The following INSC variants were observed in gnomAD, a reference collection of about 807,000 sequenced individuals.
The protein encoded by INSC is protein inscuteable homolog.
INSC carries 67 observed loss-of-function variants against 58.6 expected under a neutral mutation model. That is an observed-to-expected ratio of 1.14 (90% confidence interval 0.94 to 1.40). INSC has a LOEUF of 1.40. Among genes scored for constraint, INSC ranks in the 40% most tolerant of loss-of-function variants. The probability of loss-of-function intolerance (pLI) is 0.00; values close to 1 mark genes in which losing one functional copy is unlikely to be tolerated. For missense variants in INSC, 714 were observed against 692.0 expected, an observed-to-expected ratio of 1.03 and a Z score of -0.36; for synonymous variants, 262 against 276.1, an observed-to-expected ratio of 0.95 and a Z score of 0.51.
intron 5 of INSC, chr11:15,188,455 G>A (rs2133855685): frequency 1.7e-6 from 1 of 582,108 alleles, no homozygotes; most frequent in Non-Finnish European, 2.2e-6. Flanking sequence ...AGTCAAGTCT[G>A]CATCTGTTTC....
intron 7 of INSC, among the ~76,000 whole-genome samples, chr11:15,212,183 C>A (rs1387468048): frequency 1.3e-5 from 2 of 152,096 alleles, no homozygotes; most frequent in Non-Finnish European, 2.9e-5. Flanking sequence ...CTCACTGCAA[C>A]CTCCGCCTCC....
intron 1 of INSC, among the ~76,000 whole-genome samples, chr11:15,134,552 T>C (rs1848198133): frequency 6.6e-6 from 1 of 152,232 alleles, no homozygotes; most frequent in Non-Finnish European, 1.5e-5. Flanking sequence ...ACGAGTTTAC[T>C]TCTTTGTCCA....
chr11:15,158,903 GC>G (rs1332544175), intron 2 of INSC, among the ~76,000 whole-genome samples: 1 of 132,966 alleles, frequency 7.5e-6, no homozygotes, highest in Non-Finnish European at 1.5e-5. Flanking sequence ...TCTTGGCTGA[GC>G]TCTATGAAGG....
Position 15,246,264 on chromosome 11 carries a change from C to T in INSC, c.*224C>T, listed in dbSNP as rs1852562018. 1 of 388,476 alleles carries T rather than the reference C, an allele frequency of 2.6e-6. No homozygotes were observed. Among genetic ancestry groups the T allele is most frequent in the Non-Finnish European group, 4.6e-6 (1 of 216,668 alleles). 24.1% of individuals were successfully genotyped at this position (388,476 alleles called of 1,614,324 possible). A position where few individuals can be genotyped will look rare whatever the true frequency, so the allele number is the denominator to read the frequency against. ...TTATTTTTTGATTTCTGTAGCTTTTCAGTTGCAGATGTTGAAATTCGTAAT... is the reference window on the plus strand; with the variant it reads ...TTATTTTTTGATTTCTGTAGCTTTTTAGTTGCAGATGTTGAAATTCGTAAT... On this transcript the variant is annotated 3_prime_UTR_variant, in exon 13 of 13. Coordinates refer to ENST00000379556, the MANE Select transcript of INSC (RefSeq NM_001042536.3).
chr11:15,256,210 G>A, the INSC span, among the ~76,000 whole-genome samples: 8 of 152,342 alleles, frequency 5.3e-5, no homozygotes, highest in East Asian at 1.9e-4. Flanking sequence ...TCCCAACTGC[G>A]CTGTGCTTTC....
At chr11:15,224,617 A>G (rs1365141424) in intron 8 of INSC, among the ~76,000 whole-genome samples, 2 of 152,090 alleles carry the variant, frequency 1.3e-5, no homozygotes, top group African/African-American at 4.8e-5. Flanking sequence ...AAGTACCTTG[A>G]TTGGTAGTGA....
the INSC span, among the ~76,000 whole-genome samples, chr11:15,258,333 T>C: frequency 6.6e-6 from 1 of 152,164 alleles, no homozygotes; most frequent in African/African-American, 2.4e-5. Flanking sequence ...TGAGAATCTA[T>C]CAAGACCAGT....
Position 15,246,409 on chromosome 11 carries a change from G to GTT in INSC, c.*378_*379dup, listed in dbSNP as rs57701913. On this transcript the variant is annotated 3_prime_UTR_variant, in exon 13 of 13. Transcript: ENST00000379556. ...CCAGAGGATTTCAACTGCCTAGCAAGTTTTTTTTTTAAGTTGGATTTGCTC... is the reference window on the plus strand; with the variant it reads ...CCAGAGGATTTCAACTGCCTAGCAAGTTTTTTTTTTTTAAGTTGGATTTGCTC... 6.6e-6 allele frequency: 1 copy of GTT among 151,952 alleles called. No homozygotes were observed. The allele number at this position is 151,952 out of a possible 1,614,324, so 9.4% of individuals were successfully genotyped here. A position where few individuals can be genotyped will look rare whatever the true frequency, so the allele number is the denominator to read the frequency against.
chr11:15,136,027 A>G (rs1848237504), intron 1 of INSC, among the ~76,000 whole-genome samples: 1 of 152,168 alleles, frequency 6.6e-6, no homozygotes, highest in African/African-American at 2.4e-5. Context: ...AATGGTATTA[A>G]TTCATTCATG....
At chr11:15,191,350 C>T (rs1417558247) in intron 6 of INSC, among the ~76,000 whole-genome samples, 2 of 151,934 alleles carry the variant, frequency 1.3e-5, no homozygotes, top group East Asian at 1.9e-4. Flanking sequence ...ATCTGGTGCC[C>T]CCAGAGCCTC....
chr11:15,246,144 A>ATACTT lies in INSC; in HGVS notation c.*105_*109dup. ...ACCAGCTCTCCTCATCTTCTTATTT[A>ATACTT]TACTTAACTTATTTTTGTGTGAAAT... On this transcript the variant is annotated 3_prime_UTR_variant, in exon 13 of 13. Coordinates refer to ENST00000379556, the MANE Select transcript of INSC (RefSeq NM_001042536.3). 3 of 1,223,718 alleles carry ATACTT rather than the reference A, an allele frequency of 2.5e-6. No homozygotes were observed. The highest frequency in any genetic ancestry group is 3.4e-6 in the Non-Finnish European group (3 of 887,626). The allele number at this position is 1,223,718 out of a possible 1,614,324, so 75.8% of individuals were successfully genotyped here.
intron 6 of INSC, among the ~76,000 whole-genome samples, chr11:15,192,915 C>G (rs4756797): frequency 0.23 from 35,195 of 152,130 alleles, 5,334 homozygotes; most frequent in Non-Finnish European, 0.34. Context: ...ATATATTTGA[C>G]TCTGTTATAT....
In INSC at chr11:15,160,643, T is replaced by C. The variant is rs1848985834; in HGVS notation, c.56+11413T>C. 2.0e-5 allele frequency among the ~76,000 whole-genome samples: 3 copies of C among 152,242 alleles called. No individual in the cohort carries two copies. The South Asian group carries it at 6.2e-4, about 32-fold the overall frequency. ...ATCATAGAGTGTTAACAATGTCTTC[T>C]CTCAATCAGAGGGCATCTACAATGC... On this transcript the variant is annotated intron_variant, in intron 2 of 12. Coordinates refer to ENST00000379556, the MANE Select transcript of INSC (RefSeq NM_001042536.3).
intron 7 of INSC, among the ~76,000 whole-genome samples, chr11:15,216,989 A>G (rs1851244218): frequency 6.6e-6 from 1 of 152,210 alleles, no homozygotes; most frequent in Admixed American, 6.5e-5. Flanking sequence ...TATAAGAAGG[A>G]AAAAAACAAC....
chr11:15,229,996 TATATATATATATATATA>T (rs1564917546), intron 9 of INSC, among the ~76,000 whole-genome samples: 626 of 26,258 alleles, frequency 0.024, 11 homozygotes, highest in Middle Eastern at 0.056. Flanking sequence ...TATATATATA[TATATATATATATATATA>T]ATATATATAT....
At chr11:15,226,951 A>G (rs1851663570) in intron 9 of INSC, among the ~76,000 whole-genome samples, 1 of 152,130 alleles carries the variant, frequency 6.6e-6, no homozygotes, top group Admixed American at 6.5e-5. Flanking sequence ...GTTATTTCTT[A>G]TCCTCAGAAT....
chr11:15,234,640 T>C lies in INSC; in HGVS notation c.1171-962T>C, dbSNP rs181727514. ...TGTACCAGTGAGAAGTGTTTTTAAA[T>C]TTTATTTTATTATTCATTTTAATTA... On this transcript the variant is annotated intron_variant, in intron 9 of 12. Coordinates refer to ENST00000379556, the MANE Select transcript of INSC (RefSeq NM_001042536.3). Among the ~76,000 whole-genome samples the C allele has an allele frequency of 2.4e-3, 363 of 152,276 alleles. 3 individuals carry two copies. Among genetic ancestry groups the C allele is most frequent in the South Asian group, 8.9e-3 (43 of 4,828 alleles).
chr11:15,243,244 A>C (rs1302582426), intron 12 of INSC, among the ~76,000 whole-genome samples: 1 of 152,172 alleles, frequency 6.6e-6, no homozygotes, highest in East Asian at 1.9e-4. Context: ...CTAGCCTGGC[A>C]GATGGAGTTA....
At chr11:15,254,603 T>C in the INSC span, among the ~76,000 whole-genome samples, 4 of 152,200 alleles carry the variant, frequency 2.6e-5, no homozygotes, top group Admixed American at 1.3e-4. Flanking sequence ...GCCTTAGGCA[T>C]AGGATTGTTG....
Sources: allele counts gnomAD v4.1 joint callset (sites outside exome capture counted in the v4.1 genomes callset), GRCh38; gene constraint gnomAD v4.1.1; transcripts MANE v1.5; gene names NCBI Gene and HGNC (gene_info 2026-07-23, HGNC 2026-07-21).